Variants in ASIC2 observed in about 807,000 individuals in gnomAD.
The protein encoded by ASIC2 is acid-sensing ion channel 2.
In ASIC2, 25 loss-of-function variants were observed where a neutral mutation model predicts 57.3. The observed-to-expected ratio is 0.44, with a 90% confidence interval of 0.32 to 0.61. The LOEUF is 0.61. Ranked by LOEUF, ASIC2 falls within the 20% of genes least tolerant of loss-of-function variation. The probability of loss-of-function intolerance (pLI) is 0.06; values close to 1 mark genes in which losing one functional copy is unlikely to be tolerated. For synonymous variants in ASIC2, 319 were observed against 307.5 expected (o/e 1.04, Z -0.39); for missense variants, 641 against 738.1 (o/e 0.87, Z 1.52).
chr17:33,786,888 C>T (rs1911614955), intron 1 of ASIC2, among the ~76,000 whole-genome samples: 1 of 152,228 alleles, frequency 6.6e-6, no homozygotes, highest in South Asian at 2.1e-4. Context: ...GGGTGAGCTG[C>T]AGTACATCAT....
intron 1 of ASIC2, among the ~76,000 whole-genome samples, chr17:34,046,909 C>T (rs1398138801): frequency 1.3e-5 from 2 of 152,124 alleles, no homozygotes; most frequent in Non-Finnish European, 2.9e-5. Context: ...TCAATCCTCT[C>T]CCTCCCAATA....
intron 1 of ASIC2, among the ~76,000 whole-genome samples, chr17:33,989,188 A>G (rs1905924108): frequency 6.6e-6 from 1 of 152,134 alleles, no homozygotes. Flanking sequence ...GTAAAGGAGT[A>G]GGAATGATGG....
intron 1 of ASIC2, among the ~76,000 whole-genome samples, chr17:33,542,148 T>C (rs1915432113): frequency 6.6e-6 from 1 of 152,234 alleles, no homozygotes; most frequent in Admixed American, 6.5e-5. Context: ...ATCTTCATTG[T>C]TGGACATTTG....
At chr17:34,102,977 GCTTA>G (rs765811857) in intron 1 of ASIC2, among the ~76,000 whole-genome samples, 114 of 152,170 alleles carry the variant, frequency 7.5e-4, no homozygotes, top group East Asian at 3.3e-3. Flanking sequence ...CAAGACTTTT[GCTTA>G]CTTTTATTAA....
At chr17:33,172,222 T>C (rs1905549133) in intron 1 of ASIC2, among the ~76,000 whole-genome samples, 1 of 152,164 alleles carries the variant, frequency 6.6e-6, no homozygotes, top group Non-Finnish European at 1.5e-5. Flanking sequence ...TCCCAAATGA[T>C]CATGTCCTAA....
chr17:33,500,795 C>G (rs1914078350), intron 1 of ASIC2, among the ~76,000 whole-genome samples: 1 of 152,230 alleles, frequency 6.6e-6, no homozygotes, highest in Non-Finnish European at 1.5e-5. Flanking sequence ...GTTTTCTCCT[C>G]TGTATCTAGA....
chr17:33,026,907 C>T (rs1350895629), intron 4 of ASIC2, among the ~76,000 whole-genome samples: 1 of 152,146 alleles, frequency 6.6e-6, no homozygotes, highest in Admixed American at 6.5e-5. Flanking sequence ...GATTAAATGA[C>T]ATGTTTCCCT....
At chr17:33,127,514 C>T (rs2092328642) in intron 1 of ASIC2, among the ~76,000 whole-genome samples, 1 of 152,196 alleles carries the variant, frequency 6.6e-6, no homozygotes, top group Non-Finnish European at 1.5e-5. Flanking sequence ...TCAGGGTGGT[C>T]TGGTGGTGCT....
At chr17:33,464,000 C>T (rs1912728225) in intron 1 of ASIC2, among the ~76,000 whole-genome samples, 1 of 147,576 alleles carries the variant, frequency 6.8e-6, no homozygotes, top group Non-Finnish European at 1.5e-5. Flanking sequence ...GGCATCTGAA[C>T]ACCTAATCAC....
intron 1 of ASIC2, among the ~76,000 whole-genome samples, chr17:33,436,485 C>T (rs1911611814): frequency 6.6e-6 from 1 of 152,072 alleles, no homozygotes; most frequent in Admixed American, 6.5e-5. Context: ...AGACTTGTGA[C>T]TCATGGCTCA....
chr17:33,337,021 C>T (rs1055025982), intron 1 of ASIC2, among the ~76,000 whole-genome samples: 2 of 152,062 alleles, frequency 1.3e-5, no homozygotes, highest in East Asian at 3.9e-4. Flanking sequence ...TGTCCAGCTC[C>T]GTTTCTTCTA....
chr17:33,434,442 T>G (rs1163431626), intron 1 of ASIC2, among the ~76,000 whole-genome samples: 1 of 151,892 alleles, frequency 6.6e-6, no homozygotes, highest in African/African-American at 2.4e-5. Flanking sequence ...GAAGAAAAAA[T>G]TATTTAGGCA....
intron 1 of ASIC2, among the ~76,000 whole-genome samples, chr17:33,495,584 C>T (rs1597751581): frequency 6.6e-6 from 1 of 152,158 alleles, no homozygotes; most frequent in Non-Finnish European, 1.5e-5. Context: ...GTTGGGGGAC[C>T]ACAGTGGCCG....
intron 1 of ASIC2, among the ~76,000 whole-genome samples, chr17:33,676,420 A>G (rs1907819923): frequency 6.6e-6 from 1 of 152,386 alleles, no homozygotes; most frequent in African/African-American, 2.4e-5. Context: ...ATGCAAAGGA[A>G]AAGTTCTTGA....
chr17:34,050,428 G>A (rs904176499), intron 1 of ASIC2, among the ~76,000 whole-genome samples: 1 of 152,086 alleles, frequency 6.6e-6, no homozygotes, highest in South Asian at 2.1e-4. Context: ...GGCTGGCACG[G>A]TTACTCATAA....
At chr17:33,425,675 T>A (rs1285538619) in intron 1 of ASIC2, among the ~76,000 whole-genome samples, 1 of 151,912 alleles carries the variant, frequency 6.6e-6, no homozygotes, top group Non-Finnish European at 1.5e-5. Context: ...ACAGAAGGGA[T>A]GGGGAGAAAC....
chr17:33,247,027 T>G (rs752654145), intron 1 of ASIC2, among the ~76,000 whole-genome samples: 6 of 152,262 alleles, frequency 3.9e-5, no homozygotes, highest in Non-Finnish European at 8.8e-5. Flanking sequence ...AGGGCAGGAA[T>G]GAAATGAATA....
chr17:33,382,366 A>G (rs1427913374), intron 1 of ASIC2, among the ~76,000 whole-genome samples: 5 of 152,146 alleles, frequency 3.3e-5, no homozygotes, highest in African/African-American at 1.2e-4. Context: ...TTCCAGAGAC[A>G]CTACACTATG....
rs185396581 is a variant in ASIC2, at chr17:33,662,115, A to G, written c.555+493863T>C. Among the ~76,000 whole-genome samples, 23 of 152,310 alleles carry G rather than the reference A, an allele frequency of 1.5e-4. No individual in the cohort carries two copies. The East Asian group carries it at 4.5e-3, about 29-fold the overall frequency. ...TTAATCCTCACCAGAAAATTTGGCA[A>G]GGTGAAAATCATTATTACTCTCATC... On this transcript the variant is annotated intron_variant, in intron 1 of 9. Coordinates refer to the ASIC2 transcript ENST00000359872.
Sources: gnomAD v4.1 joint callset for allele counts (sites outside exome capture counted in the v4.1 genomes callset) on GRCh38, gnomAD v4.1.1 for gene constraint, MANE v1.5 for transcripts, NCBI Gene and HGNC (gene_info 2026-07-23, HGNC 2026-07-21) for gene names.